CCDC187: variants seen among roughly 807,000 people sequenced by gnomAD.
The protein encoded by CCDC187 is coiled-coil domain-containing protein 187.
In CCDC187, 32 loss-of-function variants were observed where a neutral mutation model predicts 38.0. The ratio of observed to expected loss-of-function variants is 0.84; its 90% CI spans 0.64 to 1.13. The LOEUF (loss-of-function observed/expected upper bound fraction) is 1.13. Ranked by LOEUF, CCDC187 falls within the 50% of genes most tolerant of loss-of-function variation. The pLI, the probability that CCDC187 is intolerant of heterozygous loss-of-function variation, is 0.00. For synonymous variants in CCDC187, 333 were observed against 347.9 expected (o/e 0.96, Z 0.48); for missense variants, 707 against 786.8 (o/e 0.90, Z 1.21).
chr9:136,280,026 C>G (rs1831008635), intron 10 of CCDC187, among the ~76,000 whole-genome samples: 2 of 152,232 alleles, frequency 1.3e-5, no homozygotes, highest in Non-Finnish European at 2.9e-5. Context: ...AACTGTGAGC[C>G]AATACATTTC....
Position 136,303,208 on chromosome 9 carries a change from G to T in CCDC187, c.229C>A (p.Pro77Thr). 2.5e-6 allele frequency: 1 copy of T among 398,550 alleles called. No homozygotes were observed. The highest frequency in any genetic ancestry group is 1.3e-4 in the South Asian group (1 of 7,738). The allele number at this position is 398,550 out of a possible 1,614,324, so 24.7% of individuals were successfully genotyped here. ...SQQPDPPWAAPHVVGSDDLKE... is the reference protein window; with the variant it reads ...SQQPDPPWAATHVVGSDDLKE... ...AGGTCGTCAGACCCGACCACGTGGGGAGCTGCCCAGGGTGGGTCTGGCTGC... is the reference window on the plus strand; with the variant it reads ...AGGTCGTCAGACCCGACCACGTGGGTAGCTGCCCAGGGTGGGTCTGGCTGC... The change falls in exon 2 of 26, where the codon CCC becomes ACC. Residue 77 changes from proline (P) to threonine (T), a missense_variant. Physicochemically the swap from Pro to Thr is conservative, Grantham distance 38. Transcript: ENST00000638797.
intron 12 of CCDC187, among the ~76,000 whole-genome samples, chr9:136,275,247 G>A (rs1041556251): frequency 2.6e-4 from 40 of 152,294 alleles, no homozygotes; most frequent in African/African-American, 9.4e-4. Flanking sequence ...GCTGGAGGGT[G>A]TGGGAGCTGG....
intron 10 of CCDC187, among the ~76,000 whole-genome samples, chr9:136,277,047 G>A (rs1830945428): frequency 1.3e-5 from 2 of 152,070 alleles, no homozygotes; most frequent in South Asian, 4.1e-4. Context: ...ACCAACTCCA[G>A]GATGGATGGC....
At chr9:136,265,067 C>T (rs1164032737) in intron 17 of CCDC187, among the ~76,000 whole-genome samples, 4 of 152,154 alleles carry the variant, frequency 2.6e-5, no homozygotes, top group African/African-American at 9.7e-5. Flanking sequence ...TTTATCTGTA[C>T]CAAGGGTGTT....
intron 20 of CCDC187, among the ~76,000 whole-genome samples, chr9:136,259,852 T>C (rs1588650731): frequency 6.6e-6 from 1 of 152,098 alleles, no homozygotes; most frequent in African/African-American, 2.4e-5. Flanking sequence ...ACCTGAGTGG[T>C]TTCCCGGCTG....
intron 18 of CCDC187, among the ~76,000 whole-genome samples, chr9:136,263,146 A>C (rs1588652236): frequency 2.2e-5 from 3 of 138,680 alleles, no homozygotes; most frequent in East Asian, 2.1e-4. Context: ...CACCCCATCC[A>C]GGAAGCCTCC....
upstream of CCDC187, among the ~76,000 whole-genome samples, chr9:136,304,797 T>G (rs934899279): frequency 3.3e-5 from 5 of 152,210 alleles, no homozygotes; most frequent in Admixed American, 1.3e-4. Context: ...GGCACGGAGC[T>G]GCGATGATCA....
At chr9:136,299,769 CG>C (rs1268200092) in intron 3 of CCDC187, among the ~76,000 whole-genome samples, 1 of 152,102 alleles carries the variant, frequency 6.6e-6, no homozygotes, top group Non-Finnish European at 1.5e-5. Flanking sequence ...AGCCCGCCAA[CG>C]GTTCAGCGTT....
intron 4 of CCDC187, among the ~76,000 whole-genome samples, chr9:136,293,650 ATGCTCACACTCT>A (rs1831439977): frequency 1.3e-5 from 2 of 151,688 alleles, no homozygotes; most frequent in South Asian, 4.2e-4. Flanking sequence ...GCTCACACTC[ATGCTCACACTCT>A]GTCACACGCA....
chr9:136,273,918 T>C (rs372730277), intron 14 of CCDC187, among the ~76,000 whole-genome samples: 1 of 152,202 alleles, frequency 6.6e-6, no homozygotes, highest in African/African-American at 2.4e-5. Context: ...GAAATCACCT[T>C]GTGGTGGTCT....
rs1430079398 is a variant in CCDC187 at position 136,294,020 on chromosome 9, GCT to G, written c.833-1727_833-1726del. On this transcript the variant is annotated intron_variant, in intron 4 of 25. Transcript: ENST00000638797. ...CACTCATATACACACGCCCTCACAT[GCT>G]CTCACACACACACTCATATACACAC... Among the ~76,000 whole-genome samples the G allele has an allele frequency of 1.0e-4, 15 of 146,888 alleles. No homozygotes were observed. In the East Asian group the frequency reaches 1.2e-3, roughly 12 times the overall value.
chr9:136,293,217 ACACACT>A (rs1249227240), intron 4 of CCDC187, among the ~76,000 whole-genome samples: 25,453 of 145,220 alleles, frequency 0.18, 2,758 homozygotes, highest in East Asian at 0.35. Flanking sequence ...ACACATGCTC[ACACACT>A]CACACTCACA....
At chr9:136,278,686 C>G (rs1830979495) in intron 10 of CCDC187, among the ~76,000 whole-genome samples, 1 of 152,218 alleles carries the variant, frequency 6.6e-6, no homozygotes, top group Non-Finnish European at 1.5e-5. Context: ...CAGCCTCAAA[C>G]CAGAATGAGG....
intron 9 of CCDC187, 83 bp from the exon 10 acceptor site, chr9:136,281,746 T>C (rs1198568974): frequency 5.0e-6 from 2 of 397,906 alleles, no homozygotes; most frequent in Non-Finnish European, 8.8e-6. Context: ...CAGCCCCTCA[T>C]TGAGCAGGAA....
At chr9:136,265,153 C>A (rs1429282098) in intron 17 of CCDC187, among the ~76,000 whole-genome samples, 2 of 152,200 alleles carry the variant, frequency 1.3e-5, no homozygotes, top group Non-Finnish European at 2.9e-5. Context: ...CTGTGAGGAG[C>A]CCTTGAGCCT....
chr9:136,250,384 G>A lies in CCDC187; in HGVS notation c.*3210C>T, dbSNP rs924957479. 6.1e-5 allele frequency: 17 copies of A among 277,248 alleles called. No individual in the cohort carries two copies. The highest frequency in any genetic ancestry group is 8.5e-5 in the Non-Finnish European group (12 of 141,600). 17.2% of individuals were successfully genotyped at this position (277,248 alleles called of 1,614,324 possible). Reference sequence around the variant, plus strand: ...CAGCCGCCACCGCATTGCGCCGCACGTCAGCACCAACCACGTGGCAGCGAG... The same window carrying A: ...CAGCCGCCACCGCATTGCGCCGCACATCAGCACCAACCACGTGGCAGCGAG... On this transcript the variant is annotated 3_prime_UTR_variant, in exon 26 of 26. Coordinates refer to ENST00000638797, the MANE Select transcript of CCDC187 (RefSeq NM_001378188.1).
At chr9:136,292,630 GGCACGCAGCACATGTGAAAGAAACGCCGA>G (rs1379027577) in intron 4 of CCDC187, among the ~76,000 whole-genome samples, 2 of 152,210 alleles carry the variant, frequency 1.3e-5, no homozygotes, top group Admixed American at 6.5e-5. Context: ...GCACAGGCCG[GGCACGCAGCACATGTGAAAGAAACGCCGA>G]GCAGCAGCAG....
At chr9:136,260,590 C>G (rs1312516422) in intron 19 of CCDC187, among the ~76,000 whole-genome samples, 3 of 151,784 alleles carry the variant, frequency 2.0e-5, no homozygotes, top group African/African-American at 2.4e-5. Flanking sequence ...GGCACCCCCC[C>G]ATCTGACTCT....
Position 136,254,055 on chromosome 9 carries a change from T to C in CCDC187, c.5773A>G (p.Lys1925Glu), listed in dbSNP as rs1830582289. Residue 1925 changes from lysine (K) to glutamate (E), a missense_variant, in exon 26 of 26, where the codon AAG (lysine) becomes GAG (glutamate). Transcript: ENST00000638797. ...GGCATGAGGTACGGGAGTTTGCTCTTGGTGGATGGGCTCGGGTCAGCATCC... is the reference window on the plus strand; with the variant it reads ...GGCATGAGGTACGGGAGTTTGCTCTCGGTGGATGGGCTCGGGTCAGCATCC... ...TRDADPSPST[K>E]SKLPYLMPEP... 1 of 985,234 alleles carries C rather than the reference T, an allele frequency of 1.0e-6. No individual in the cohort carries two copies. The highest frequency in any genetic ancestry group is 4.7e-5 in the South Asian group (1 of 21,278). The allele number at this position is 985,234 out of a possible 1,614,324, so 61.0% of individuals were successfully genotyped here.
Sources: gnomAD v4.1 joint callset for allele counts (sites outside exome capture counted in the v4.1 genomes callset) on GRCh38, gnomAD v4.1.1 for gene constraint, MANE v1.5 for transcripts, NCBI Gene and HGNC (gene_info 2026-07-23, HGNC 2026-07-21) for gene names.